The following HGSNAT variants were observed in gnomAD, a reference collection of about 807,000 sequenced individuals.
The protein encoded by HGSNAT is transmembrane protein 76.
Under a neutral mutation model 85.2 loss-of-function variants are expected in HGSNAT, and 59 were observed. The ratio of observed to expected loss-of-function variants is 0.69; its 90% confidence interval spans 0.56 to 0.86. The LOEUF is 0.86. Ranked by LOEUF, HGSNAT falls within the 40% of genes least tolerant of loss-of-function variation. The pLI, the probability that HGSNAT is intolerant of heterozygous loss-of-function variation, is 0.00. For synonymous variants in HGSNAT, 321 were observed against 304.5 expected (o/e 1.05, Z -0.56); for missense variants, 756 against 777.1 (o/e 0.97, Z 0.32).
chr8:43,150,212 C>G (rs1455774963), intron 2 of HGSNAT, among the ~76,000 whole-genome samples: 1 of 152,120 alleles, frequency 6.6e-6, no homozygotes, highest in Non-Finnish European at 1.5e-5. Context: ...CTCAGCCTCC[C>G]AGAGTGCTGG....
rs1414286573 is a variant in HGSNAT, at chr8:43,158,499, G to C, written c.235-76G>C. The C allele has an allele frequency of 2.7e-6, 4 of 1,472,884 alleles. No individual in the cohort carries two copies. In the African/African-American group the frequency reaches 5.6e-5, roughly 21 times the overall value. 91.2% of individuals were successfully genotyped at this position (1,472,884 alleles called of 1,614,324 possible). A position where few individuals can be genotyped will look rare whatever the true frequency, so the allele number is the denominator to read the frequency against. ...AAAAGTCATGTCAGGATCTCCAGTT[G>C]GATATTTATGTCCTCCAGCAATCAA... On this transcript the variant is annotated intron_variant, in intron 2 of 17. Coordinates refer to ENST00000379644, the MANE Select transcript of HGSNAT (RefSeq NM_152419.3).
intron 5 of HGSNAT, among the ~76,000 whole-genome samples, chr8:43,166,343 G>A (rs1435990945): frequency 6.6e-6 from 1 of 152,174 alleles, no homozygotes; most frequent in Admixed American, 6.6e-5. Context: ...TTAATAGCCA[G>A]GAAGGAGAAT....
chr8:43,192,572 T>G, intron 13 of HGSNAT, 142 bp downstream of exon 13: 2 of 948,100 alleles, frequency 2.1e-6, no homozygotes, highest in Non-Finnish European at 3.0e-6. Context: ...GTCAGCTAAC[T>G]TAATGACTTT....
chr8:43,182,256 C>T lies in HGSNAT; in HGVS notation c.1124C>T (p.Ala375Val). ...LFAKPVPEHC[A>V]SERSCLSLRD... is the part of the protein sequence containing the mutation. ...GCTAAACCTGTGCCTGAACATTGTG[C>T]CTCGGTGAGAAACCATGTTTTAATT... Residue 375 changes from alanine (A) to valine (V), a missense_variant, in exon 11 of 18, where the codon GCC (alanine) becomes GTC (valine). Coordinates refer to ENST00000379644, the MANE Select transcript of HGSNAT (RefSeq NM_152419.3). 1 of 1,610,348 alleles carries T rather than the reference C, an allele frequency of 6.2e-7. No individual in the cohort carries two copies. The highest frequency in any genetic ancestry group is 1.3e-5 in the African/African-American group (1 of 74,922).
Position 43,197,106 on chromosome 8 carries a change from C to T in HGSNAT, c.1542+81C>T, listed in dbSNP as rs187659557. On this transcript the variant is annotated intron_variant, in intron 15 of 17. Transcript: ENST00000379644. ...AAAAGGAATAAAATGTTTAGCAACA[C>T]TGAGCTAGCCATTGTCACCACATGG... The T allele has an allele frequency of 1.0e-4, 93 of 928,566 alleles. No homozygotes were observed. The Admixed American group carries it at 1.8e-3, about 18-fold the overall frequency. The allele number at this position is 928,566 out of a possible 1,614,324, so 57.5% of individuals were successfully genotyped here.
At chr8:43,181,423 A>ACCC (rs779487866) in intron 10 of HGSNAT, among the ~76,000 whole-genome samples, 33 of 152,080 alleles carry the variant, frequency 2.2e-4, no homozygotes, top group South Asian at 2.1e-4. Flanking sequence ...GGAGGGCACT[A>ACCC]GTCACTGTCC....
At chr8:43,194,141 T>G in intron 14 of HGSNAT, 3 of 1,111,604 alleles carry the variant, frequency 2.7e-6, no homozygotes, top group Non-Finnish European at 3.3e-6. Flanking sequence ...CTCATGCCTA[T>G]AACGCCAACA....
At chr8:43,141,264 G>C (rs1183043753) in intron 1 of HGSNAT, among the ~76,000 whole-genome samples, 5 of 152,146 alleles carry the variant, frequency 3.3e-5, no homozygotes, top group African/African-American at 1.2e-4. Flanking sequence ...CCCTCGGCGC[G>C]TTTTCCCTCC....
intron 15 of HGSNAT, chr8:43,197,435 T>C: frequency 1.8e-6 from 1 of 565,624 alleles, no homozygotes; most frequent in East Asian, 2.9e-5. Context: ...AGAGTCACTG[T>C]CATTTAATCA....
At chr8:43,161,633 T>C (rs1056061096) in intron 5 of HGSNAT, 126 bp downstream of exon 5, 52 of 618,286 alleles carry the variant, frequency 8.4e-5, no homozygotes, top group Middle Eastern at 2.6e-4. Context: ...GTCCCCCATG[T>C]CCATCCAGTG....
chr8:43,164,991 T>G (rs1282750796), intron 5 of HGSNAT, among the ~76,000 whole-genome samples: 2 of 147,314 alleles, frequency 1.4e-5, no homozygotes, highest in African/African-American at 2.5e-5. Flanking sequence ...CAAGCAGTCC[T>G]CCCATCTCAG....
intron 14 of HGSNAT, among the ~76,000 whole-genome samples, chr8:43,195,655 T>G (rs866492821): frequency 1.5e-5 from 1 of 67,560 alleles, no homozygotes; most frequent in African/African-American, 6.3e-5. Flanking sequence ...GAGGAGGGGC[T>G]GGAGGAGGAG....
intron 5 of HGSNAT, among the ~76,000 whole-genome samples, chr8:43,164,013 A>G (rs1340891387): frequency 6.6e-6 from 1 of 152,248 alleles, no homozygotes; most frequent in Admixed American, 6.5e-5. Context: ...GGGAAACTGC[A>G]CTGGCTATGT....
intron 1 of HGSNAT, among the ~76,000 whole-genome samples, chr8:43,143,723 T>G (rs1259206705): frequency 3.3e-5 from 5 of 151,482 alleles, no homozygotes; most frequent in Non-Finnish European, 7.4e-5. Flanking sequence ...TTTTTTGTAT[T>G]TTTTAGTAGA....
intron 1 of HGSNAT, among the ~76,000 whole-genome samples, chr8:43,143,040 A>C (rs1802600634): frequency 6.6e-6 from 1 of 152,240 alleles, no homozygotes. Flanking sequence ...AGAAATGTGA[A>C]AATGGAAGCC....
Position 43,182,185 on chromosome 8 carries a change from A to T in HGSNAT, c.1053A>T (p.Arg351=). Reference sequence around the variant, plus strand: ...TGCGCATTCCTGGTGTGCTGCAGCGATTGGGAGTGACATACTTTGTGGTTG... The same window carrying T: ...TGCGCATTCCTGGTGTGCTGCAGCGTTTGGGAGTGACATACTTTGTGGTTG... ...DKVRIPGVLQ[R]LGVTYFVVAV... is the part of the protein sequence containing the mutation. Residue 351 remains arginine (R), a synonymous_variant, in exon 11 of 18, where the codon CGA becomes CGT. Transcript: ENST00000379644. The T allele has an allele frequency of 6.2e-7, 1 of 1,613,936 alleles. No homozygotes were observed. The highest frequency in any genetic ancestry group is 8.5e-7 in the Non-Finnish European group (1 of 1,179,872).
intron 13 of HGSNAT, 121 bp from the exon 14 acceptor site, chr8:43,193,636 C>T (rs757662467): frequency 8.0e-6 from 5 of 624,818 alleles, no homozygotes; most frequent in East Asian, 5.4e-5. Context: ...TGAATTTCTG[C>T]AGCAAAAACA....
intron 1 of HGSNAT, among the ~76,000 whole-genome samples, chr8:43,141,294 C>T (rs1248672456): frequency 1.3e-5 from 2 of 151,586 alleles, no homozygotes; most frequent in Non-Finnish European, 2.9e-5. Flanking sequence ...GGGAAGCCGC[C>T]GCCGCCGCCG....
chr8:43,189,845 G>A (rs1447290508), intron 11 of HGSNAT, among the ~76,000 whole-genome samples: 1 of 152,136 alleles, frequency 6.6e-6, no homozygotes, highest in African/African-American at 2.4e-5. Flanking sequence ...TGCCTGCCTT[G>A]GCCTCCCAAA....
Sources: allele counts gnomAD v4.1 joint callset (sites outside exome capture counted in the v4.1 genomes callset), GRCh38; gene constraint gnomAD v4.1.1; transcripts MANE v1.5; gene names NCBI Gene and HGNC (gene_info 2026-07-23, HGNC 2026-07-21).